Variants in EFCAB11 observed in about 807,000 individuals in gnomAD.
EFCAB11 encodes EF-hand calcium binding domain 11, also known as EF-hand calcium-binding domain-containing protein 11.
Under a neutral mutation model 23.0 loss-of-function variants are expected in EFCAB11, and 14 were observed. The observed-to-expected ratio is 0.61, with a 90% CI of 0.40 to 0.95. EFCAB11 has a LOEUF of 0.95. Among genes scored for constraint, EFCAB11 ranks in the 40% least tolerant of loss-of-function variants. The probability of loss-of-function intolerance (pLI) is 0.00; values close to 1 mark genes in which losing one functional copy is unlikely to be tolerated. For missense variants in EFCAB11, 198 were observed against 195.8 expected (o/e 1.01, Z -0.07); for synonymous variants, 65 against 66.6 (o/e 0.98, Z 0.11).
At chr14:89,915,516 A>G (rs1455974459) in intron 5 of EFCAB11, among the ~76,000 whole-genome samples, 1 of 152,246 alleles carries the variant, frequency 6.6e-6, no homozygotes, top group East Asian at 1.9e-4. Flanking sequence ...TTGGTTCATT[A>G]AGAGAGGATC....
At chr14:89,938,466 G>A (rs2139822695) in intron 3 of EFCAB11, among the ~76,000 whole-genome samples, 1 of 152,322 alleles carries the variant, frequency 6.6e-6, no homozygotes, top group African/African-American at 2.4e-5. Context: ...GATGGTAGGT[G>A]AAAGTGACTT....
chr14:89,937,771 G>GCCT (rs1254921947), intron 3 of EFCAB11, among the ~76,000 whole-genome samples: 1 of 152,126 alleles, frequency 6.6e-6, no homozygotes, highest in East Asian at 1.9e-4. Flanking sequence ...TGATCCGTCT[G>GCCT]CCTCGGCCTC....
chr14:89,890,359 T>C (rs1025495962), intron 5 of EFCAB11, among the ~76,000 whole-genome samples: 1 of 152,204 alleles, frequency 6.6e-6, no homozygotes, highest in Non-Finnish European at 1.5e-5. Context: ...TCATATTCTT[T>C]AAACAGCAAT....
chr14:89,850,856 T>C (rs1430231573), intron 5 of EFCAB11, among the ~76,000 whole-genome samples: 1 of 152,204 alleles, frequency 6.6e-6, no homozygotes, highest in Non-Finnish European at 1.5e-5. Flanking sequence ...TAGTGGCTTC[T>C]TGGGATTTAG....
intron 5 of EFCAB11, among the ~76,000 whole-genome samples, chr14:89,902,699 T>G (rs1381807812): frequency 6.6e-6 from 1 of 152,184 alleles, no homozygotes; most frequent in Admixed American, 6.5e-5. Context: ...TAGAGAGAGT[T>G]GATACCACTC....
intron 5 of EFCAB11, among the ~76,000 whole-genome samples, chr14:89,913,185 C>T (rs1406223799): frequency 6.6e-6 from 1 of 152,202 alleles, no homozygotes; most frequent in Non-Finnish European, 1.5e-5. Flanking sequence ...TGCCCTGCCT[C>T]CCCTCAGCTC....
rs546831345 is a variant in EFCAB11 at position 89,858,114 on chromosome 14, C to T, written c.411-60790G>A. On this transcript the variant is annotated intron_variant, in intron 5 of 5. Transcript: ENST00000316738. Reference sequence around the variant, plus strand: ...CAAGAGTAGAGCCTGACAGCCTTTCCCCTAAACGTGGGCAATGGGGCTACC... The same window carrying T: ...CAAGAGTAGAGCCTGACAGCCTTTCTCCTAAACGTGGGCAATGGGGCTACC... 9.2e-5 allele frequency among the ~76,000 whole-genome samples: 14 copies of T among 152,138 alleles called. No homozygotes were observed. In the East Asian group the frequency reaches 9.7e-4, roughly 11 times the overall value.
chr14:89,953,741 C>T (rs1168893293), intron 2 of EFCAB11, among the ~76,000 whole-genome samples, 165 bp downstream of exon 2: 1 of 152,190 alleles, frequency 6.6e-6, no homozygotes, highest in Admixed American at 6.5e-5. Context: ...TACTTCATCT[C>T]TGGGCTGAGG....
rs190595325 is a variant in EFCAB11, at chr14:89,800,526, C to G, written c.411-3202G>C. Among the ~76,000 whole-genome samples, 13 of 152,320 alleles carry G rather than the reference C, an allele frequency of 8.5e-5. No individual in the cohort carries two copies. In the East Asian group the frequency reaches 2.3e-3, roughly 27 times the overall value. On this transcript the variant is annotated intron_variant, in intron 5 of 5. Coordinates refer to ENST00000316738, the MANE Select transcript of EFCAB11 (RefSeq NM_145231.4). Reference sequence around the variant, plus strand: ...ACTTCAATCCAGTTAAGCAGCTCCCCTTTTACCAGACACAGGGACGTAGGT... The same window carrying G: ...ACTTCAATCCAGTTAAGCAGCTCCCGTTTTACCAGACACAGGGACGTAGGT...
chr14:89,907,626 G>C (rs723215), intron 5 of EFCAB11, among the ~76,000 whole-genome samples: 14,546 of 152,094 alleles, frequency 0.096, 1,797 homozygotes, highest in African/African-American at 0.29. Context: ...AACTGGAAAG[G>C]CCTTTAAATA....
chr14:89,943,215 TC>T (rs1177228007), intron 3 of EFCAB11, among the ~76,000 whole-genome samples: 1 of 151,310 alleles, frequency 6.6e-6, no homozygotes, highest in African/African-American at 2.4e-5. Context: ...AATAAATAGT[TC>T]CCAGGAGGCC....
chr14:89,894,865 T>A (rs544312209), intron 5 of EFCAB11, among the ~76,000 whole-genome samples: 1 of 152,328 alleles, frequency 6.6e-6, no homozygotes, highest in South Asian at 2.1e-4. Flanking sequence ...CAAAAGCTAC[T>A]ATTTACAATA....
At chr14:89,867,098 A>G (rs923849831) in intron 5 of EFCAB11, among the ~76,000 whole-genome samples, 1 of 152,160 alleles carries the variant, frequency 6.6e-6, no homozygotes, top group Non-Finnish European at 1.5e-5. Flanking sequence ...TATTTACATA[A>G]AGTCTATTTA....
chr14:89,843,274 G>A (rs1362537741), intron 5 of EFCAB11, among the ~76,000 whole-genome samples: 1 of 152,008 alleles, frequency 6.6e-6, no homozygotes, highest in African/African-American at 2.4e-5. Flanking sequence ...TATTAAAACT[G>A]AGAAAAATTT....
intron 5 of EFCAB11, among the ~76,000 whole-genome samples, chr14:89,890,893 A>T (rs1888944597): frequency 6.6e-6 from 1 of 152,212 alleles, no homozygotes; most frequent in African/African-American, 2.4e-5. Flanking sequence ...TTCCCACATT[A>T]AGCTGAAATC....
intron 5 of EFCAB11, among the ~76,000 whole-genome samples, chr14:89,843,453 G>A (rs1456595739): frequency 2.0e-5 from 3 of 152,008 alleles, no homozygotes; most frequent in African/African-American, 7.2e-5. Context: ...TCCTGCTTCC[G>A]AATTTCCTTT....
At chr14:89,838,170 A>G (rs906600654) in intron 5 of EFCAB11, among the ~76,000 whole-genome samples, 3 of 152,226 alleles carry the variant, frequency 2.0e-5, no homozygotes, top group African/African-American at 7.2e-5. Context: ...AAGCAGTTCA[A>G]TGAATGAGGA....
At chr14:89,943,078 C>A (rs2139832410) in intron 3 of EFCAB11, among the ~76,000 whole-genome samples, 1 of 152,142 alleles carries the variant, frequency 6.6e-6, no homozygotes, top group Non-Finnish European at 1.5e-5. Context: ...AGCAACTGGG[C>A]CCTGCAAAAG....
chr14:89,818,328 G>A (rs1372848104), intron 5 of EFCAB11, among the ~76,000 whole-genome samples: 1 of 152,174 alleles, frequency 6.6e-6, no homozygotes, highest in Non-Finnish European at 1.5e-5. Flanking sequence ...ACCAGAGTTG[G>A]CAAGCCTCCA....
Sources: gnomAD v4.1 joint callset for allele counts (sites outside exome capture counted in the v4.1 genomes callset) on GRCh38, gnomAD v4.1.1 for gene constraint, MANE v1.5 for transcripts, NCBI Gene and HGNC (gene_info 2026-07-23, HGNC 2026-07-21) for gene names.